NEMP2: variants seen among roughly 807,000 people sequenced by gnomAD.
The protein encoded by NEMP2 is UPF0571 transmembrane protein.
A neutral mutation model predicts 54.2 loss-of-function variants in NEMP2; 53 were observed. The ratio of observed to expected loss-of-function variants is 0.98; its 90% CI spans 0.78 to 1.23. The LOEUF is 1.23. Ranked by LOEUF, NEMP2 falls within the 50% of genes most tolerant of loss-of-function variation. The pLI, the probability that NEMP2 is intolerant of heterozygous loss-of-function variation, is 0.00. For missense variants in NEMP2, 455 were observed against 511.3 expected (o/e 0.89, Z 1.06); for synonymous variants, 197 against 190.3 (o/e 1.04, Z -0.29).
chr2:190,582,813 T>C, the NEMP2 span, among the ~76,000 whole-genome samples: 1 of 152,192 alleles, frequency 6.6e-6, no homozygotes, highest in African/African-American at 2.4e-5. The surrounding 1 kb of genome is among the most constrained non-coding windows in gnomAD (Gnocchi z 4.6). Context: ...GCTTTATCGA[T>C]CATATGAAGA....
chr2:190,544,862 A>C, the NEMP2 span, among the ~76,000 whole-genome samples: 1 of 148,484 alleles, frequency 6.7e-6, no homozygotes, highest in African/African-American at 2.5e-5. Context: ...CCATGGCAGG[A>C]GGATCACTTG....
chr2:190,579,014 A>G, the NEMP2 span, among the ~76,000 whole-genome samples: 2 of 152,116 alleles, frequency 1.3e-5, no homozygotes, highest in African/African-American at 4.8e-5. Flanking sequence ...TTTCCCAGGG[A>G]CTGATGTGTT....
chr2:190,497,423 A>G, the NEMP2 span: 1 of 1,606,590 alleles, frequency 6.2e-7, no homozygotes, highest in Non-Finnish European at 8.5e-7. This position sits in a 1 kb window ranked among gnomAD's most constrained non-coding sequence, Gnocchi z 5.2. Context: ...TAGTTTAAAC[A>G]TTCTTTTCTC....
chr2:190,512,184 A>G lies in NEMP2; in HGVS notation c.954-1647T>C, dbSNP rs1690390060. 6.6e-6 allele frequency among the ~76,000 whole-genome samples: 1 copy of G among 152,124 alleles called. No individual in the cohort carries two copies. Among genetic ancestry groups the G allele is most frequent in the African/African-American group, 2.4e-5 (1 of 41,440 alleles). ...ATAGTCCTGGCTTTGAGATTTATTC[A>G]CTATATGAACTTGGGGAATTCCTTA... On this transcript the variant is annotated intron_variant, in intron 7 of 8. Transcript: ENST00000409150. This position sits in a 1 kb window ranked among gnomAD's most constrained non-coding sequence, Gnocchi z 4.5.
the NEMP2 span, among the ~76,000 whole-genome samples, chr2:190,554,869 C>T: frequency 1.3e-5 from 2 of 152,224 alleles, no homozygotes; most frequent in African/African-American, 2.4e-5. This position sits in a 1 kb window ranked among gnomAD's most constrained non-coding sequence, Gnocchi z 5.7. Flanking sequence ...CTGGGAGACA[C>T]CTCCCAATAG....
At position 190,530,379 on chromosome 2, in the gene NEMP2, A is replaced by G. The variant is rs1027611441; in HGVS notation, c.97+4180T>C. On this transcript the variant is annotated intron_variant, in intron 1 of 8. Coordinates refer to ENST00000409150, the MANE Select transcript of NEMP2 (RefSeq NM_001142645.2). This position sits in a 1 kb window ranked among gnomAD's most constrained non-coding sequence, Gnocchi z 4.6. ...CTTTTTTCTTATCACCTCTCTCCCG[A>G]GGTGAATGAGTCTCAAACAACCCAC... is the stretch of plus-strand genomic sequence containing the variant. Among the ~76,000 whole-genome samples, 3 of 152,240 alleles carry G rather than the reference A, an allele frequency of 2.0e-5. No homozygotes were observed. The highest frequency in any genetic ancestry group is 2.0e-4 in the Admixed American group (3 of 15,308).
At chr2:190,622,421 TA>T in the NEMP2 span, among the ~76,000 whole-genome samples, 29,734 of 142,250 alleles carry the variant, frequency 0.21, 2,968 homozygotes, top group East Asian at 0.28. Flanking sequence ...TGCAGTCTCT[TA>T]AAAAAAAAAA....
At chr2:190,434,841 A>G in the NEMP2 span, among the ~76,000 whole-genome samples, 3 of 152,222 alleles carry the variant, frequency 2.0e-5, no homozygotes, top group Admixed American at 1.3e-4. This position sits in a 1 kb window ranked among gnomAD's most constrained non-coding sequence, Gnocchi z 4.3. Flanking sequence ...ATGGACCGCT[A>G]CCACTCTGTG....
At chr2:190,536,185 A>C (rs1048010803), upstream of NEMP2, among the ~76,000 whole-genome samples, 10 of 152,212 alleles carry the variant, frequency 6.6e-5, no homozygotes, top group Non-Finnish European at 1.3e-4. Flanking sequence ...CAAGAATGTT[A>C]GGAGGTGATA....
At chr2:190,588,631 C>G in the NEMP2 span, among the ~76,000 whole-genome samples, 1 of 152,100 alleles carries the variant, frequency 6.6e-6, no homozygotes, top group Non-Finnish European at 1.5e-5. This position sits in a 1 kb window ranked among gnomAD's most constrained non-coding sequence, Gnocchi z 5.0. Flanking sequence ...GTCCTTTGGG[C>G]CAATTCAATG....
chr2:190,578,326 G>C, the NEMP2 span, among the ~76,000 whole-genome samples: 13 of 152,134 alleles, frequency 8.5e-5, no homozygotes, highest in African/African-American at 3.1e-4. The surrounding 1 kb of genome is among the most constrained non-coding windows in gnomAD (Gnocchi z 4.4). Flanking sequence ...AGAACTGCCT[G>C]CCAGCTTCCT....
At chr2:190,648,344 C>A in the NEMP2 span, 1 of 152,240 alleles carries the variant, frequency 6.6e-6, no homozygotes. Context: ...CAGAGATGCT[C>A]TCCCAGCCGC....
the NEMP2 span, among the ~76,000 whole-genome samples, chr2:190,604,853 T>C: frequency 6.6e-6 from 1 of 152,196 alleles, no homozygotes. This position sits in a 1 kb window ranked among gnomAD's most constrained non-coding sequence, Gnocchi z 4.5. Flanking sequence ...CACAAAAATG[T>C]CCCTTTAGCA....
At chr2:190,532,066 T>A (rs1421266311) in intron 1 of NEMP2, among the ~76,000 whole-genome samples, 2 of 152,184 alleles carry the variant, frequency 1.3e-5, no homozygotes, top group Non-Finnish European at 2.9e-5. Flanking sequence ...ATTTTCCCTA[T>A]AACTGTTTTT....
the NEMP2 span, among the ~76,000 whole-genome samples, chr2:190,568,895 A>G: frequency 6.6e-6 from 1 of 152,224 alleles, no homozygotes; most frequent in Non-Finnish European, 1.5e-5. This position sits in a 1 kb window ranked among gnomAD's most constrained non-coding sequence, Gnocchi z 4.7. Flanking sequence ...AACTATATTG[A>G]AAGAATAAGA....
chr2:190,581,990 C>T, the NEMP2 span, among the ~76,000 whole-genome samples: 1 of 152,148 alleles, frequency 6.6e-6, no homozygotes, highest in Non-Finnish European at 1.5e-5. Flanking sequence ...GCGGCATTTA[C>T]CAGCATTCCA....
the NEMP2 span, among the ~76,000 whole-genome samples, chr2:190,460,048 A>T: frequency 6.6e-6 from 1 of 152,078 alleles, no homozygotes; most frequent in Non-Finnish European, 1.5e-5. Flanking sequence ...ACTACCACTG[A>T]CTCTGAGCTT....
the NEMP2 span, among the ~76,000 whole-genome samples, chr2:190,561,984 C>T: frequency 2.6e-5 from 4 of 151,900 alleles, no homozygotes; most frequent in Non-Finnish European, 5.9e-5. This position sits in a 1 kb window ranked among gnomAD's most constrained non-coding sequence, Gnocchi z 5.4. Flanking sequence ...TTCATCTTGC[C>T]CTTGACTGGA....
chr2:190,486,997 A>G, the NEMP2 span, among the ~76,000 whole-genome samples: 546 of 152,282 alleles, frequency 3.6e-3, no homozygotes, highest in Middle Eastern at 6.8e-3. Context: ...AAGATATAAA[A>G]CTGGTAATGG....
Sources: allele counts gnomAD v4.1 joint callset (sites outside exome capture counted in the v4.1 genomes callset), GRCh38; gene constraint gnomAD v4.1.1; non-coding constraint Gnocchi (gnomAD v3.1); transcripts MANE v1.5; gene names NCBI Gene and HGNC (gene_info 2026-07-23, HGNC 2026-07-21).